The following POLA1 variants were observed in gnomAD, a reference collection of about 807,000 sequenced individuals.
POLA1 encodes DNA polymerase alpha catalytic subunit.
Under a neutral mutation model 124.0 loss-of-function variants are expected in POLA1, and 15 were observed. The observed-to-expected ratio is 0.12, with a 90% CI of 0.08 to 0.19. POLA1 has a LOEUF of 0.19. POLA1 is among the 10% of genes least tolerant of loss of function. The pLI is 1.00. For missense variants in POLA1, 886 were observed against 1,103.4 expected, an observed-to-expected ratio of 0.80 and a Z score of 2.79; for synonymous variants, 408 against 389.4, an observed-to-expected ratio of 1.05 and a Z score of -0.56.
intron 1 of POLA1, among the ~76,000 whole-genome samples, chrX:24,697,914 A>T (rs929131749): frequency 9.1e-6 from 1 of 109,953 alleles, no homozygotes; most frequent in African/African-American, 3.3e-5. Flanking sequence ...ATCAGTGGGT[A>T]TGTGAAAGTC....
intron 26 of POLA1, among the ~76,000 whole-genome samples, chrX:24,769,531 T>A (rs1448365125): frequency 9.0e-6 from 1 of 111,483 alleles, no homozygotes; most frequent in African/African-American, 3.3e-5. Flanking sequence ...GTCTCAGAAT[T>A]TTCCTTTCCA....
At chrX:24,726,902 A>G (rs1435586023) in intron 13 of POLA1, 31 bp from the exon 14 acceptor site, 1 of 1,127,746 alleles carries the variant, frequency 8.9e-7, no homozygotes, top group African/African-American at 1.8e-5. Flanking sequence ...AGTTTTAAAC[A>G]AAAAGATTCT....
rs777340737 is a variant in POLA1 at position 24,786,390 on chromosome X, G to A, written c.2965-23508G>A. On this transcript the variant is annotated intron_variant, in intron 26 of 36. Coordinates refer to ENST00000379068, the MANE Select transcript of POLA1 (RefSeq NM_001330360.2). Reference sequence around the variant, plus strand: ...ATATGTCATTGTGGTTGTGATTTGCGTGTCGCTGATGATTAGTGATGTTGA... The same window carrying A: ...ATATGTCATTGTGGTTGTGATTTGCATGTCGCTGATGATTAGTGATGTTGA... Among the ~76,000 whole-genome samples, 6 of 112,317 alleles carry A rather than the reference G, an allele frequency of 5.3e-5. 1 individual carries two copies. The highest frequency in any genetic ancestry group is 3.7e-4 in the South Asian group (1 of 2,702).
intron 34 of POLA1, among the ~76,000 whole-genome samples, chrX:24,880,932 C>G (rs1263362190): frequency 9.0e-6 from 1 of 111,704 alleles, no homozygotes; most frequent in Non-Finnish European, 1.9e-5. Flanking sequence ...TGCCAGACCC[C>G]GTCCTGTGAC....
At chrX:24,735,707 G>T (rs1222692247) in intron 18 of POLA1, among the ~76,000 whole-genome samples, 1 of 110,675 alleles carries the variant, frequency 9.0e-6, no homozygotes, top group Non-Finnish European at 1.9e-5. Flanking sequence ...ACTTAGTGTT[G>T]AAGTTAAGGA....
intron 26 of POLA1, among the ~76,000 whole-genome samples, chrX:24,791,544 C>T (rs1447509953): frequency 2.7e-5 from 3 of 111,923 alleles, no homozygotes; most frequent in African/African-American, 9.8e-5. Flanking sequence ...GGCCACCACA[C>T]CCAGCTAATT....
At chrX:24,766,013 G>A (rs1932896804) in intron 26 of POLA1, among the ~76,000 whole-genome samples, 1 of 112,159 alleles carries the variant, frequency 8.9e-6, no homozygotes, top group African/African-American at 3.2e-5. Flanking sequence ...TATCCATGTT[G>A]ATGTATACAT....
At chrX:24,694,117 C>T (rs1429378790) in intron 1 of POLA1, 113 bp downstream of exon 1, 6 of 765,901 alleles carry the variant, frequency 7.8e-6, no homozygotes, top group Non-Finnish European at 1.1e-5. Flanking sequence ...AGACCTTGGT[C>T]GTCCCCGGCG....
chrX:24,715,516 G>A (rs1409386889), intron 6 of POLA1, among the ~76,000 whole-genome samples: 2 of 111,377 alleles, frequency 1.8e-5, no homozygotes, highest in African/African-American at 3.3e-5. Context: ...GGCTGGTCTC[G>A]AACTCCTTAC....
At chrX:24,819,226 G>A (rs985581937) in intron 30 of POLA1, among the ~76,000 whole-genome samples, 2 of 112,364 alleles carry the variant, frequency 1.8e-5, no homozygotes, top group African/African-American at 6.5e-5. Context: ...CAAAAATTAC[G>A]TTTTAAAATA....
intron 34 of POLA1, among the ~76,000 whole-genome samples, chrX:24,852,811 C>T (rs904668827): frequency 9.0e-6 from 1 of 111,632 alleles, no homozygotes; most frequent in African/African-American, 3.3e-5. Flanking sequence ...TTCAAGTGCT[C>T]ATGGTTTCTT....
At chrX:24,766,049 T>C (rs1932897521) in intron 26 of POLA1, among the ~76,000 whole-genome samples, 1 of 112,640 alleles carries the variant, frequency 8.9e-6, no homozygotes, top group African/African-American at 3.2e-5. Flanking sequence ...TGAACTGCTG[T>C]ATAGTATTCC....
chrX:24,771,770 C>A (rs1372210128), intron 26 of POLA1, among the ~76,000 whole-genome samples: 1 of 111,708 alleles, frequency 9.0e-6, no homozygotes, highest in African/African-American at 3.3e-5. Flanking sequence ...TAAATTAGCA[C>A]ATGAAAGTGC....
At chrX:24,702,498 C>T (rs1928522325) in intron 2 of POLA1, among the ~76,000 whole-genome samples, 1 of 112,500 alleles carries the variant, frequency 8.9e-6, no homozygotes, top group Admixed American at 9.4e-5. Context: ...GTTGCTTTAG[C>T]TGTGCAGAGG....
intron 34 of POLA1, among the ~76,000 whole-genome samples, chrX:24,881,999 T>C (rs890642010): frequency 9.0e-6 from 1 of 110,643 alleles, no homozygotes; most frequent in African/African-American, 3.3e-5. Context: ...TTGTGGAAGG[T>C]GTGTGATTGG....
Position 24,792,181 on chromosome X carries a change from T to G in POLA1, c.2965-17717T>G, listed in dbSNP as rs566512416. ...GACTGTGGTCATTATTCATTACCTC[T>G]TTTTTTTCAAACACTAAAACTCTTG... On this transcript the variant is annotated intron_variant, in intron 26 of 36. Coordinates refer to ENST00000379068, the MANE Select transcript of POLA1 (RefSeq NM_001330360.2). Among the ~76,000 whole-genome samples the G allele has an allele frequency of 9.0e-5, 10 of 111,154 alleles. No individual in the cohort carries two copies. The South Asian group carries it at 3.1e-3, about 34-fold the overall frequency.
chrX:24,711,431 A>G (rs773196220), intron 4 of POLA1, among the ~76,000 whole-genome samples: 27 of 112,309 alleles, frequency 2.4e-4, no homozygotes, highest in Non-Finnish European at 4.3e-4. Flanking sequence ...ATAGTATTCC[A>G]TGATAGGGAT....
At chrX:24,991,589 C>T (rs764861140) in intron 36 of POLA1, among the ~76,000 whole-genome samples, 4 of 112,425 alleles carry the variant, frequency 3.6e-5, no homozygotes, top group Non-Finnish European at 7.5e-5. Context: ...CACTGTTCAC[C>T]ACCACCAGGC....
At chrX:24,774,158 A>T (rs2045092396) in intron 26 of POLA1, among the ~76,000 whole-genome samples, 1 of 111,608 alleles carries the variant, frequency 9.0e-6, no homozygotes, top group Non-Finnish European at 1.9e-5. Flanking sequence ...ATAAGGCCCC[A>T]CGAGTACATC....
Sources: gnomAD v4.1 joint callset for allele counts (sites outside exome capture counted in the v4.1 genomes callset) on GRCh38, gnomAD v4.1.1 for gene constraint, MANE v1.5 for transcripts, NCBI Gene and HGNC (gene_info 2026-07-23, HGNC 2026-07-21) for gene names.